Variants in SMIM10L1 observed in about 807,000 individuals in gnomAD.
The protein encoded by SMIM10L1 is small integral membrane protein 10 like 1.
A neutral mutation model predicts 4.5 loss-of-function variants in SMIM10L1; 6 were observed. The ratio of observed to expected loss-of-function variants is 1.33; its 90% CI spans 0.73 to 2.62. The LOEUF (loss-of-function observed/expected upper bound fraction) is 2.62, where lower values mean the gene tolerates loss of function less well. SMIM10L1 is among the 30% of genes most tolerant of loss of function. SMIM10L1 has a pLI of 0.00. For synonymous variants in SMIM10L1, 49 were observed against 42.2 expected, an observed-to-expected ratio of 1.16 and a Z score of -0.63; for missense variants, 66 against 86.2, an observed-to-expected ratio of 0.77 and a Z score of 0.93.
In SMIM10L1 at chr12:11,175,828, G is replaced by A. The variant is rs1947938312; in HGVS notation, c.*4265G>A. On this transcript the variant is annotated 3_prime_UTR_variant, in exon 1 of 1. Transcript: ENST00000622602. ...CATAAAGATGAAACCCTCGTGAATG[G>A]GATTAGTGCCTTTATAAAGGAGACC... 1 of 152,080 alleles carries A rather than the reference G, an allele frequency of 6.6e-6. No homozygotes were observed. Among genetic ancestry groups the A allele is most frequent in the Non-Finnish European group, 1.5e-5 (1 of 68,032 alleles). 9.4% of individuals were successfully genotyped at this position (152,080 alleles called of 1,614,324 possible).
Position 11,171,435 on chromosome 12 carries a change from T to C in SMIM10L1, c.79T>C (p.Phe27Leu). Residue 27 changes from phenylalanine (F) to leucine (L), a missense_variant, in exon 1 of 1, where the codon TTC becomes CTC. Physicochemically the swap from Phe to Leu is conservative, Grantham distance 22. Coordinates refer to ENST00000622602, the MANE Select transcript of SMIM10L1 (RefSeq NM_001271592.2). The stretch of plus-strand genomic sequence containing the variant: ...CGCGACACCCACCTCGTACGGCGTC[T>C]TCTGCAAGGGGCTCTCCCGCACCCT... ...PAATPTSYGV[F>L]CKGLSRTLLA... 2.4e-6 allele frequency: 3 copies of C among 1,232,032 alleles called. No individual in the cohort carries two copies. Among genetic ancestry groups the C allele is most frequent in the East Asian group, 6.3e-5 (2 of 31,668 alleles). The allele number at this position is 1,232,032 out of a possible 1,614,324, so 76.3% of individuals were successfully genotyped here. A position where few individuals can be genotyped will look rare whatever the true frequency, so the allele number is the denominator to read the frequency against.
At position 11,174,292 on chromosome 12, in the gene SMIM10L1, G is replaced by A. The variant is rs972366431; in HGVS notation, c.*2729G>A. 1 of 152,090 alleles carries A rather than the reference G, an allele frequency of 6.6e-6. No individual in the cohort carries two copies. The highest frequency in any genetic ancestry group is 2.4e-5 in the African/African-American group (1 of 41,422). The allele number at this position is 152,090 out of a possible 1,614,324, so 9.4% of individuals were successfully genotyped here. A position where few individuals can be genotyped will look rare whatever the true frequency, so the allele number is the denominator to read the frequency against. ...ATCCATTAGGCTAAGGATTTTGTTTGTTCACTGTTCTATCCCCAAGCCTAG... is the reference window on the plus strand; with the variant it reads ...ATCCATTAGGCTAAGGATTTTGTTTATTCACTGTTCTATCCCCAAGCCTAG... On this transcript the variant is annotated 3_prime_UTR_variant, in exon 1 of 1. Coordinates refer to ENST00000622602, the MANE Select transcript of SMIM10L1 (RefSeq NM_001271592.2).
rs1947935951 is a variant in SMIM10L1 at position 11,175,584 on chromosome 12, C to G, written c.*4021C>G. The G allele has an allele frequency of 6.6e-6, 1 of 152,098 alleles. No homozygotes were observed. Among genetic ancestry groups the G allele is most frequent in the African/African-American group, 2.4e-5 (1 of 41,408 alleles). The allele number at this position is 152,098 out of a possible 1,614,324, so 9.4% of individuals were successfully genotyped here. On this transcript the variant is annotated 3_prime_UTR_variant, in exon 1 of 1. Transcript: ENST00000622602. The stretch of plus-strand genomic sequence containing the variant: ...CTTGGGAAGTTCCAAGAAAATGAAC[C>G]AAGAAAAGAACCTCTGCAAGAACTA...
At position 11,172,220 on chromosome 12, in the gene SMIM10L1, G is replaced by A. The variant is rs1947871409; in HGVS notation, c.*657G>A. ...GAACCGCAGAAAACGAAATCCCATAGTAGCACAAAGCTTGGCTGTTCAGTG... is the reference window on the plus strand; with the variant it reads ...GAACCGCAGAAAACGAAATCCCATAATAGCACAAAGCTTGGCTGTTCAGTG... On this transcript the variant is annotated 3_prime_UTR_variant, in exon 1 of 1. Transcript: ENST00000622602. The A allele has an allele frequency of 6.6e-6, 1 of 152,208 alleles. No homozygotes were observed. The allele number at this position is 152,208 out of a possible 1,614,324, so 9.4% of individuals were successfully genotyped here.
chr12:11,171,595 A>T lies in SMIM10L1; in HGVS notation c.*32A>T. 1 of 1,224,088 alleles carries T rather than the reference A, an allele frequency of 8.2e-7. No individual in the cohort carries two copies. The highest frequency in any genetic ancestry group is 1.0e-6 in the Non-Finnish European group (1 of 980,644). The allele number at this position is 1,224,088 out of a possible 1,614,324, so 75.8% of individuals were successfully genotyped here. A position where few individuals can be genotyped will look rare whatever the true frequency, so the allele number is the denominator to read the frequency against. On this transcript the variant is annotated 3_prime_UTR_variant, in exon 1 of 1. Transcript: ENST00000622602. The stretch of plus-strand genomic sequence containing the variant: ...GACTAAGCTAACGGCCTCCGGGGCC[A>T]GCATGATGGCCGACTCCCAGGGTCC...
rs1295750614 is a variant in SMIM10L1 at position 11,171,231 on chromosome 12, A to G, written c.-126A>G. The G allele has an allele frequency of 1.8e-6, 1 of 555,226 alleles. No individual in the cohort carries two copies. Among genetic ancestry groups the G allele is most frequent in the African/African-American group, 1.9e-5 (1 of 52,000 alleles). 34.4% of individuals were successfully genotyped at this position (555,226 alleles called of 1,614,324 possible). On this transcript the variant is annotated 5_prime_UTR_variant, in exon 1 of 1. Coordinates refer to ENST00000622602, the MANE Select transcript of SMIM10L1 (RefSeq NM_001271592.2). ...CACTGCACCGAGCGGCGGCAGCGGC[A>G]AGCTTGGGTGTGAGCCCGGGAGCCG...
chr12:11,173,756 T>C lies in SMIM10L1; in HGVS notation c.*2193T>C, dbSNP rs976313760. On this transcript the variant is annotated 3_prime_UTR_variant, in exon 1 of 1. Coordinates refer to ENST00000622602, the MANE Select transcript of SMIM10L1 (RefSeq NM_001271592.2). The stretch of plus-strand genomic sequence containing the variant: ...CATCAGTCATTTGTTAAACCGAAGA[T>C]GAAGAAACAGACTTTGTATTTATTA... 8 of 152,040 alleles carry C rather than the reference T, an allele frequency of 5.3e-5. No homozygotes were observed. Among genetic ancestry groups the C allele is most frequent in the African/African-American group, 1.9e-4 (8 of 41,398 alleles). The allele number at this position is 152,040 out of a possible 1,614,324, so 9.4% of individuals were successfully genotyped here. A position where few individuals can be genotyped will look rare whatever the true frequency, so the allele number is the denominator to read the frequency against.
rs1035771670 is a variant in SMIM10L1 at position 11,174,054 on chromosome 12, ATATTAGGAGTTAAATG to A, written c.*2501_*2516del. ...TACCTCGTAATATATGTATATATAT[ATATTAGGAGTTAAATG>A]TATTAGGAGGTAAATGTAAACTCTG... On this transcript the variant is annotated 3_prime_UTR_variant, in exon 1 of 1. Transcript: ENST00000622602. 1 of 151,728 alleles carries A rather than the reference ATATTAGGAGTTAAATG, an allele frequency of 6.6e-6. No homozygotes were observed. Among genetic ancestry groups the A allele is most frequent in the African/African-American group, 2.4e-5 (1 of 41,302 alleles). 9.4% of individuals were successfully genotyped at this position (151,728 alleles called of 1,614,324 possible).
chr12:11,173,881 A>C lies in SMIM10L1; in HGVS notation c.*2318A>C, dbSNP rs1947908661. 1 of 151,276 alleles carries C rather than the reference A, an allele frequency of 6.6e-6. No individual in the cohort carries two copies. The highest frequency in any genetic ancestry group is 2.4e-5 in the African/African-American group (1 of 41,224). 9.4% of individuals were successfully genotyped at this position (151,276 alleles called of 1,614,324 possible). On this transcript the variant is annotated 3_prime_UTR_variant, in exon 1 of 1. Coordinates refer to ENST00000622602, the MANE Select transcript of SMIM10L1 (RefSeq NM_001271592.2). ...GTATGTGTGTGTACTGTATATATAC[A>C]TATATATATACATACACATATATAA...
At position 11,173,093 on chromosome 12, in the gene SMIM10L1, GA is replaced by G. The variant is rs1286710579; in HGVS notation, c.*1536del. The G allele has an allele frequency of 2.0e-5, 3 of 151,452 alleles. No individual in the cohort carries two copies. The highest frequency in any genetic ancestry group is 7.3e-5 in the African/African-American group (3 of 41,262). 9.4% of individuals were successfully genotyped at this position (151,452 alleles called of 1,614,324 possible). A position where few individuals can be genotyped will look rare whatever the true frequency, so the allele number is the denominator to read the frequency against. Reference sequence around the variant, plus strand: ...GTAGTATACGCATTTTTTTTTTCAGGAAAAAATTAACTAATAAACCACTAAG... The same window carrying G: ...GTAGTATACGCATTTTTTTTTTCAGGAAAAATTAACTAATAAACCACTAAG... On this transcript the variant is annotated 3_prime_UTR_variant, in exon 1 of 1. Transcript: ENST00000622602.
Position 11,174,235 on chromosome 12 carries a change from A to G in SMIM10L1, c.*2672A>G, listed in dbSNP as rs1241165455. On this transcript the variant is annotated 3_prime_UTR_variant, in exon 1 of 1. Coordinates refer to ENST00000622602, the MANE Select transcript of SMIM10L1 (RefSeq NM_001271592.2). The stretch of plus-strand genomic sequence containing the variant: ...CACTTATTGTTGTAATTCACAAGTG[A>G]GTTTATTCTTCCTGGCACACTTCCA... 6.6e-6 allele frequency: 1 copy of G among 152,056 alleles called. No homozygotes were observed. The allele number at this position is 152,056 out of a possible 1,614,324, so 9.4% of individuals were successfully genotyped here. A position where few individuals can be genotyped will look rare whatever the true frequency, so the allele number is the denominator to read the frequency against.
rs1343666346 is a variant in SMIM10L1, at chr12:11,172,271, A to G, written c.*708A>G. The G allele has an allele frequency of 7.9e-5, 12 of 152,252 alleles. No homozygotes were observed. Among genetic ancestry groups the G allele is most frequent in the Admixed American group, 7.2e-4 (11 of 15,292 alleles). The allele number at this position is 152,252 out of a possible 1,614,324, so 9.4% of individuals were successfully genotyped here. A position where few individuals can be genotyped will look rare whatever the true frequency, so the allele number is the denominator to read the frequency against. On this transcript the variant is annotated 3_prime_UTR_variant, in exon 1 of 1. Transcript: ENST00000622602. ...AATAACATTTAAATAATCGTAAAAT[A>G]CAAATGTTGTTTATGGTTTTTATTG...
Position 11,171,515 on chromosome 12 carries a change from C to T in SMIM10L1, c.159C>T (p.Tyr53=). The change falls in exon 1 of 1, where the codon TAC becomes TAT. Residue 53 remains tyrosine (Y), a synonymous_variant. Transcript: ENST00000622602. ...TGCGCATGAACTTCCCGTACTTCTACGTCGCGGGCTCGGTGATCCTCAACA... is the reference window on the plus strand; with the variant it reads ...TGCGCATGAACTTCCCGTACTTCTATGTCGCGGGCTCGGTGATCCTCAACA... ...WQLRMNFPYF[Y]VAGSVILNIR... The T allele has an allele frequency of 8.1e-7, 1 of 1,232,328 alleles. No homozygotes were observed. The highest frequency in any genetic ancestry group is 1.0e-6 in the Non-Finnish European group (1 of 988,126). 76.3% of individuals were successfully genotyped at this position (1,232,328 alleles called of 1,614,324 possible). A position where few individuals can be genotyped will look rare whatever the true frequency, so the allele number is the denominator to read the frequency against.
rs989483531 is a variant in SMIM10L1, at chr12:11,172,949, T to C, written c.*1386T>C. ...GTGGTGAGCCAATCAAGATCTGATA[T>C]AGAAAAATGCAGAAAAAGGAGTATA... On this transcript the variant is annotated 3_prime_UTR_variant, in exon 1 of 1. Transcript: ENST00000622602. The C allele has an allele frequency of 5.9e-5, 9 of 151,964 alleles. No individual in the cohort carries two copies. Among genetic ancestry groups the C allele is most frequent in the Admixed American group, 5.2e-4 (8 of 15,276 alleles). The allele number at this position is 151,964 out of a possible 1,614,324, so 9.4% of individuals were successfully genotyped here. A position where few individuals can be genotyped will look rare whatever the true frequency, so the allele number is the denominator to read the frequency against.
chr12:11,175,520 T>C lies in SMIM10L1; in HGVS notation c.*3957T>C, dbSNP rs1947935184. On this transcript the variant is annotated 3_prime_UTR_variant, in exon 1 of 1. Coordinates refer to ENST00000622602, the MANE Select transcript of SMIM10L1 (RefSeq NM_001271592.2). ...AAGATGAGGGAAAGGAATATCCTAA[T>C]ACTTGGAAGTTTGAGCATGGAAAGT... 1 of 152,198 alleles carries C rather than the reference T, an allele frequency of 6.6e-6. No homozygotes were observed. The highest frequency in any genetic ancestry group is 1.5e-5 in the Non-Finnish European group (1 of 68,022). 9.4% of individuals were successfully genotyped at this position (152,198 alleles called of 1,614,324 possible).
Position 11,172,406 on chromosome 12 carries a change from AAGTAAATGGAAT to A in SMIM10L1, c.*844_*855del, listed in dbSNP as rs1947875581. 5 of 152,126 alleles carry A rather than the reference AAGTAAATGGAAT, an allele frequency of 3.3e-5. No homozygotes were observed. Among genetic ancestry groups the A allele is most frequent in the Non-Finnish European group, 7.3e-5 (5 of 68,036 alleles). The allele number at this position is 152,126 out of a possible 1,614,324, so 9.4% of individuals were successfully genotyped here. On this transcript the variant is annotated 3_prime_UTR_variant, in exon 1 of 1. Transcript: ENST00000622602. ...TGGGAATGTTGAAGGAGGGCGGGGGAAGTAAATGGAATGGGGGTTATGTCCTTATAAAGTGGA... is the reference window on the plus strand; with the variant it reads ...TGGGAATGTTGAAGGAGGGCGGGGGAGGGGGTTATGTCCTTATAAAGTGGA...
rs1947853526 is a variant in SMIM10L1 at position 11,171,669 on chromosome 12, A to G, written c.*106A>G. 3.6e-6 allele frequency: 3 copies of G among 825,532 alleles called. No homozygotes were observed. The South Asian group carries it at 1.9e-4, about 53-fold the overall frequency. The allele number at this position is 825,532 out of a possible 1,614,324, so 51.1% of individuals were successfully genotyped here. Reference sequence around the variant, plus strand: ...ATGGCGAGCCCCACAGTCTCGCGAGAGTGCTCAGGCGCTCTTCGTGGCTGC... The same window carrying G: ...ATGGCGAGCCCCACAGTCTCGCGAGGGTGCTCAGGCGCTCTTCGTGGCTGC... On this transcript the variant is annotated 3_prime_UTR_variant, in exon 1 of 1. Transcript: ENST00000622602.
rs1225425395 is a variant in SMIM10L1 at position 11,174,284 on chromosome 12, TTTTG to T, written c.*2728_*2731del. On this transcript the variant is annotated 3_prime_UTR_variant, in exon 1 of 1. Transcript: ENST00000622602. The stretch of plus-strand genomic sequence containing the variant: ...CAGGTAATATCCATTAGGCTAAGGA[TTTTG>T]TTTGTTCACTGTTCTATCCCCAAGC... The T allele has an allele frequency of 1.3e-5, 2 of 152,134 alleles. No individual in the cohort carries two copies. The highest frequency in any genetic ancestry group is 4.8e-5 in the African/African-American group (2 of 41,436). 9.4% of individuals were successfully genotyped at this position (152,134 alleles called of 1,614,324 possible). A position where few individuals can be genotyped will look rare whatever the true frequency, so the allele number is the denominator to read the frequency against.
rs1195870729 is a variant in SMIM10L1, at chr12:11,173,858, A to T, written c.*2295A>T. On this transcript the variant is annotated 3_prime_UTR_variant, in exon 1 of 1. Transcript: ENST00000622602. ...CAATTTTACACCCGGTAGTAACAGT[A>T]TGTGTGTGTACTGTATATATACATA... is the stretch of plus-strand genomic sequence containing the variant. 6.6e-6 allele frequency: 1 copy of T among 151,912 alleles called. No homozygotes were observed. Among genetic ancestry groups the T allele is most frequent in the Non-Finnish European group, 1.5e-5 (1 of 67,952 alleles). The allele number at this position is 151,912 out of a possible 1,614,324, so 9.4% of individuals were successfully genotyped here.
Sources: allele counts gnomAD v4.1 joint callset, GRCh38; gene constraint gnomAD v4.1.1; transcripts MANE v1.5; gene names NCBI Gene and HGNC (gene_info 2026-07-23, HGNC 2026-07-21).